Variants in NFIA observed in about 807,000 individuals in gnomAD.
NFIA encodes nuclear factor I A, also known as nuclear factor 1 A-type.
A neutral mutation model predicts 62.8 loss-of-function variants in NFIA; 8 were observed. That is an observed-to-expected ratio of 0.13 (90% CI 0.07 to 0.23). NFIA has a LOEUF of 0.23. Ranked by LOEUF, NFIA falls within the 10% of genes least tolerant of loss-of-function variation. The probability of loss-of-function intolerance (pLI) is 1.00; values close to 1 mark genes in which losing one functional copy is unlikely to be tolerated. For missense variants in NFIA, 410 were observed against 642.1 expected (o/e 0.64, Z 3.91); for synonymous variants, 235 against 238.1 (o/e 0.99, Z 0.12).
intron 9 of NFIA, among the ~76,000 whole-genome samples, chr1:61,409,824 G>A (rs1157074031): frequency 1.3e-5 from 2 of 152,200 alleles, no homozygotes; most frequent in East Asian, 1.9e-4. Context: ...AGACAGGGTG[G>A]GGTGGTAGGG....
At chr1:61,234,470 C>G (rs570679265) in intron 2 of NFIA, among the ~76,000 whole-genome samples, 156 of 151,604 alleles carry the variant, frequency 1.0e-3, no homozygotes, top group African/African-American at 3.7e-3. Context: ...GGGTATACGT[C>G]TGCCTCCTCT....
chr1:61,115,492 A>C (rs1322245716), intron 2 of NFIA, among the ~76,000 whole-genome samples: 1 of 152,176 alleles, frequency 6.6e-6, no homozygotes, highest in African/African-American at 2.4e-5. Context: ...AGCTGGAGAG[A>C]ATGAGGATGG....
intron 2 of NFIA, among the ~76,000 whole-genome samples, chr1:61,241,308 T>C (rs1157055217): frequency 6.6e-6 from 1 of 152,162 alleles, no homozygotes. Context: ...TAAGAGCTTG[T>C]CTGTTAAAGG....
At chr1:61,235,174 A>G (rs1169154393) in intron 2 of NFIA, among the ~76,000 whole-genome samples, 3 of 152,192 alleles carry the variant, frequency 2.0e-5, no homozygotes, top group African/African-American at 7.2e-5. Context: ...TTAAAAATGA[A>G]CAAAGGGGCT....
chr1:61,180,608 T>C (rs1018456978), intron 2 of NFIA, among the ~76,000 whole-genome samples: 2 of 152,160 alleles, frequency 1.3e-5, no homozygotes, highest in Non-Finnish European at 2.9e-5. Flanking sequence ...ACAGAAGTCT[T>C]GGGACTCTCA....
intron 10 of NFIA, among the ~76,000 whole-genome samples, chr1:61,451,155 G>A (rs1234193091): frequency 1.3e-5 from 2 of 152,154 alleles, no homozygotes; most frequent in Non-Finnish European, 2.9e-5. Context: ...GGATGCAGTC[G>A]GATAGATATT....
intron 2 of NFIA, among the ~76,000 whole-genome samples, chr1:61,137,461 A>G (rs955930464): frequency 1.3e-5 from 2 of 152,222 alleles, no homozygotes; most frequent in African/African-American, 4.8e-5. Flanking sequence ...AACTTGTAAG[A>G]TCAAATTTGT....
At chr1:61,305,623 G>A (rs75889822) in intron 3 of NFIA, among the ~76,000 whole-genome samples, 1,677 of 152,264 alleles carry the variant, frequency 0.011, 16 homozygotes, top group Middle Eastern at 0.048. Context: ...TTGAGGGGTA[G>A]GATTCCTTCA....
rs1243853424 is a variant in NFIA at position 61,257,338 on chromosome 1, T to G, written c.560-20182T>G. ...TATTTTTTACTGCGTTGTTTTTTTT[T>G]TTTTTTTTTTTTTTTTTGAGACAGA... On this transcript the variant is annotated intron_variant, in intron 2 of 10. Transcript: ENST00000403491. 1.2e-3 allele frequency among the ~76,000 whole-genome samples: 160 copies of G among 132,382 alleles called. 1 individual carries two copies. Among genetic ancestry groups the G allele is most frequent in the African/African-American group, 4.2e-3 (150 of 35,462 alleles). 86.8% of individuals were successfully genotyped at this position (132,382 alleles called of 152,430 possible). A position where few individuals can be genotyped will look rare whatever the true frequency, so the allele number is the denominator to read the frequency against.
At chr1:61,349,820 T>C (rs557124399) in intron 4 of NFIA, among the ~76,000 whole-genome samples, 72 of 152,154 alleles carry the variant, frequency 4.7e-4, no homozygotes, top group Non-Finnish European at 8.1e-4. Flanking sequence ...CTTGAACTTT[T>C]GGTCTCAAGC....
intron 3 of NFIA, among the ~76,000 whole-genome samples, chr1:61,292,232 A>C (rs1305095113): frequency 1.3e-5 from 2 of 152,198 alleles, no homozygotes; most frequent in African/African-American, 4.8e-5. Flanking sequence ...TTTGTGTTTT[A>C]AGGAGACCAC....
intron 3 of NFIA, among the ~76,000 whole-genome samples, chr1:61,316,263 AG>A (rs1196395218): frequency 1.3e-5 from 2 of 152,328 alleles, no homozygotes; most frequent in East Asian, 3.9e-4. Context: ...CTGAGGAAGA[AG>A]GGGCATTTCA....
At chr1:61,330,443 CCACACACACA>C (rs1553173861) in intron 3 of NFIA, among the ~76,000 whole-genome samples, 1 of 90,620 alleles carries the variant, frequency 1.1e-5, no homozygotes, top group Non-Finnish European at 2.6e-5. Context: ...TACACCCCCC[CCACACACACA>C]CACACACGCA....
intron 2 of NFIA, among the ~76,000 whole-genome samples, chr1:61,266,239 T>C (rs1176956919): frequency 6.6e-6 from 1 of 152,024 alleles, no homozygotes; most frequent in Admixed American, 6.6e-5. Context: ...ACATGAAACA[T>C]ACCATCTTCC....
chr1:61,292,001 C>T (rs1658915362), intron 3 of NFIA, among the ~76,000 whole-genome samples: 1 of 152,092 alleles, frequency 6.6e-6, no homozygotes, highest in Admixed American at 6.6e-5. Flanking sequence ...TAGTAAATGT[C>T]ACAGTATACT....
chr1:61,434,785 A>G (rs1667257396), intron 10 of NFIA, among the ~76,000 whole-genome samples: 1 of 152,142 alleles, frequency 6.6e-6, no homozygotes, highest in Admixed American at 6.6e-5. Flanking sequence ...TTAATATTAA[A>G]GTGAGAACAG....
chr1:61,345,653 A>T (rs1162735063), intron 4 of NFIA, among the ~76,000 whole-genome samples: 1 of 152,224 alleles, frequency 6.6e-6, no homozygotes, highest in Admixed American at 6.5e-5. Flanking sequence ...AGATTCTCCT[A>T]GGAACGCAAA....
rs568745515 is a variant in NFIA, at chr1:61,424,366, C to T, written c.1421-2099C>T. Among the ~76,000 whole-genome samples, 170 of 150,094 alleles carry T rather than the reference C, an allele frequency of 1.1e-3. 2 individuals are homozygous for T. Among genetic ancestry groups the T allele is most frequent in the Middle Eastern group, 3.4e-3 (1 of 294 alleles). On this transcript the variant is annotated intron_variant, in intron 9 of 10. Transcript: ENST00000403491. The stretch of plus-strand genomic sequence containing the variant: ...ACCCCCCCCTCAACCCCCAGAATGG[C>T]TTCTGTGTTGGGATCAGTTAGCATG...
In NFIA at chr1:61,455,431, G is replaced by A. The variant is rs1208814066; in HGVS notation, c.*111G>A. 1.3e-6 allele frequency: 2 copies of A among 1,570,450 alleles called. No homozygotes were observed. The highest frequency in any genetic ancestry group is 8.7e-7 in the Non-Finnish European group (1 of 1,146,864). ...GTTACAACTTCACTATCAGCGGAAG[G>A]GGAGAAAAACCGATTCAAATCAACT... On this transcript the variant is annotated 3_prime_UTR_variant, in exon 11 of 11. Transcript: ENST00000403491.
Sources: allele counts gnomAD v4.1 joint callset (sites outside exome capture counted in the v4.1 genomes callset), GRCh38; gene constraint gnomAD v4.1.1; transcripts MANE v1.5; gene names NCBI Gene and HGNC (gene_info 2026-07-23, HGNC 2026-07-21).